Variants in BICDL1 observed in about 807,000 individuals in gnomAD.
BICDL1 encodes the protein BICD family-like cargo adapter 1.
BICDL1 carries 20 observed loss-of-function variants against 76.8 expected under a neutral mutation model. The ratio of observed to expected loss-of-function variants is 0.26; its 90% CI spans 0.18 to 0.38. The LOEUF (loss-of-function observed/expected upper bound fraction) is 0.38, where lower values mean the gene tolerates loss of function less well. Ranked by LOEUF, BICDL1 falls within the 10% of genes least tolerant of loss-of-function variation. The probability of loss-of-function intolerance (pLI) is 1.00; values close to 1 mark genes in which losing one functional copy is unlikely to be tolerated. For synonymous variants in BICDL1, 383 were observed against 337.1 expected, an observed-to-expected ratio of 1.14 and a Z score of -1.49; for missense variants, 700 against 798.6, an observed-to-expected ratio of 0.88 and a Z score of 1.49.
chr12:120,054,986 G>A (rs1332941444), intron 2 of BICDL1, among the ~76,000 whole-genome samples: 1 of 152,058 alleles, frequency 6.6e-6, no homozygotes, highest in Non-Finnish European at 1.5e-5. Context: ...GAAAGATTGG[G>A]GAAAAAATAA....
chr12:120,056,958 T>C (rs1367371016), intron 2 of BICDL1: 2 of 429,524 alleles, frequency 4.7e-6, no homozygotes, highest in Admixed American at 2.7e-5. Flanking sequence ...GAGGGGAGGC[T>C]GGGCCCTGTG....
At chr12:120,043,209 A>G (rs137880721) in intron 2 of BICDL1, among the ~76,000 whole-genome samples, 305 of 152,286 alleles carry the variant, frequency 2.0e-3, no homozygotes, top group African/African-American at 7.0e-3. Context: ...AATGCTAAAT[A>G]ATATTCATCT....
intron 1 of BICDL1, among the ~76,000 whole-genome samples, chr12:119,995,079 C>T (rs1951611892): frequency 6.6e-6 from 1 of 152,078 alleles, no homozygotes; most frequent in Admixed American, 6.6e-5. Flanking sequence ...GTTTCTTAAC[C>T]TTATTTTTGA....
At chr12:120,027,033 T>C (rs988756063) in intron 2 of BICDL1, among the ~76,000 whole-genome samples, 5 of 149,176 alleles carry the variant, frequency 3.4e-5, no homozygotes, top group African/African-American at 1.2e-4. Context: ...ATTTCTTTTT[T>C]TTTTTTTTTT....
At position 120,090,617 on chromosome 12, in the gene BICDL1, G is replaced by A. The variant is rs1384542316; in HGVS notation, c.1704+546G>A. On this transcript the variant is annotated intron_variant, in intron 9 of 9. Transcript: ENST00000548673. ...CACTGGACTGGGCTGTGGCTGGCTGGGTTTTGTTCGTGAGGTTGAGGTAGC... is the reference window on the plus strand; with the variant it reads ...CACTGGACTGGGCTGTGGCTGGCTGAGTTTTGTTCGTGAGGTTGAGGTAGC... The A allele has an allele frequency of 3.1e-5, 11 of 350,898 alleles. No homozygotes were observed. In the East Asian group the frequency reaches 8.2e-4, roughly 26 times the overall value. The allele number at this position is 350,898 out of a possible 1,614,324, so 21.7% of individuals were successfully genotyped here.
chr12:120,075,847 A>G (rs1345942528), intron 7 of BICDL1, among the ~76,000 whole-genome samples: 1 of 152,212 alleles, frequency 6.6e-6, no homozygotes, highest in Non-Finnish European at 1.5e-5. Context: ...GATAACAAGG[A>G]CACAAAGATG....
Position 120,079,731 on chromosome 12 carries a change from A to C in BICDL1, c.1453-1156A>C, listed in dbSNP as rs1873824639. On this transcript the variant is annotated intron_variant, in intron 7 of 9. Coordinates refer to ENST00000548673, the MANE Select transcript of BICDL1 (RefSeq NM_001367886.1). This position sits in a 1 kb window ranked among gnomAD's most constrained non-coding sequence, Gnocchi z 4.3. ...GAATGTATGAGACCTGAAAGCTTAC[A>C]GAATCAACAGGAAAGTGGGAGAACC... Among the ~76,000 whole-genome samples the C allele has an allele frequency of 6.6e-6, 1 of 152,256 alleles. No individual in the cohort carries two copies. Among genetic ancestry groups the C allele is most frequent in the South Asian group, 2.1e-4 (1 of 4,834 alleles).
rs1874831361 is a variant in BICDL1 at position 120,090,056 on chromosome 12, G to A, written c.1689G>A (p.Gln563=). 1.2e-6 allele frequency: 2 copies of A among 1,614,072 alleles called. No individual in the cohort carries two copies. The highest frequency in any genetic ancestry group is 1.7e-6 in the Non-Finnish European group (2 of 1,179,988). ...AIQQKLNLSQ[Q]LEAWQDDMHR... ...AGCAGAAACTGAACCTCTCGCAGCA[G>A]CTGGAAGCTTGGCAGGTAAACTGGA... Residue 563 remains glutamine (Q), a synonymous_variant, in exon 9 of 10, where the codon CAG becomes CAA. Coordinates refer to ENST00000548673, the MANE Select transcript of BICDL1 (RefSeq NM_001367886.1).
chr12:120,058,428 A>G (rs1953028361), intron 2 of BICDL1, among the ~76,000 whole-genome samples: 1 of 152,196 alleles, frequency 6.6e-6, no homozygotes, highest in Non-Finnish European at 1.5e-5. Context: ...TTCATGTCAA[A>G]GTGGTGATGG....
chr12:120,030,102 A>G (rs1952391524), intron 2 of BICDL1, among the ~76,000 whole-genome samples: 1 of 152,162 alleles, frequency 6.6e-6, no homozygotes, highest in South Asian at 2.1e-4. Flanking sequence ...TGATTACCAC[A>G]ACCTAATTAA....
chr12:120,070,054 A>G (rs918599448), intron 4 of BICDL1, among the ~76,000 whole-genome samples: 5 of 152,150 alleles, frequency 3.3e-5, no homozygotes, highest in African/African-American at 1.2e-4. Context: ...TATTCTTATT[A>G]GCATTTGGAT....
rs913687456 is a variant in BICDL1, at chr12:120,094,162, G to A, written c.*1001G>A. The A allele has an allele frequency of 2.2e-6, 1 of 445,976 alleles. No individual in the cohort carries two copies. The highest frequency in any genetic ancestry group is 4.5e-6 in the Non-Finnish European group (1 of 220,442). The allele number at this position is 445,976 out of a possible 1,614,324, so 27.6% of individuals were successfully genotyped here. On this transcript the variant is annotated 3_prime_UTR_variant, in exon 10 of 10. Transcript: ENST00000548673. ...CTGCCTGCAGAAGCCTGCAGTGGCT[G>A]CTGCTCCTGCCTCTGCAGCCGCCCC...
Position 120,093,880 on chromosome 12 carries a change from T to C in BICDL1, c.*719T>C, listed in dbSNP as rs964656658. The C allele has an allele frequency of 2.5e-5, 6 of 243,954 alleles. No homozygotes were observed. Among genetic ancestry groups the C allele is most frequent in the Admixed American group, 1.0e-4 (2 of 20,004 alleles). The allele number at this position is 243,954 out of a possible 1,614,324, so 15.1% of individuals were successfully genotyped here. A position where few individuals can be genotyped will look rare whatever the true frequency, so the allele number is the denominator to read the frequency against. ...CAGGGCCTGGCCAGGCAGAGTGTTA[T>C]CACCAGTCATCTGCAGGCTTTAGCC... On this transcript the variant is annotated 3_prime_UTR_variant, in exon 10 of 10. Transcript: ENST00000548673.
intron 1 of BICDL1, among the ~76,000 whole-genome samples, chr12:119,997,745 T>G (rs886974218): frequency 6.6e-6 from 1 of 152,062 alleles, no homozygotes; most frequent in Non-Finnish European, 1.5e-5. Context: ...TTTTCATCTC[T>G]GAAAAATTCT....
chr12:120,061,596 T>G (rs558273168), intron 2 of BICDL1, 114 bp from the exon 3 acceptor site: 51 of 768,688 alleles, frequency 6.6e-5, no homozygotes, highest in African/African-American at 6.5e-4. Flanking sequence ...TCTCATCTAG[T>G]GCTCCTTAAA....
chr12:120,054,180 C>T (rs978582408), intron 2 of BICDL1, among the ~76,000 whole-genome samples: 2 of 151,594 alleles, frequency 1.3e-5, no homozygotes, highest in African/African-American at 4.9e-5. Context: ...TCAAGCTATT[C>T]TCCTGCCTCA....
chr12:120,031,800 G>T (rs1478169597), intron 2 of BICDL1, among the ~76,000 whole-genome samples: 4 of 152,132 alleles, frequency 2.6e-5, no homozygotes, highest in African/African-American at 9.7e-5. Flanking sequence ...AGTCTCAAAA[G>T]AAAATTCCTG....
intron 2 of BICDL1, among the ~76,000 whole-genome samples, chr12:120,002,117 G>A (rs1362656840): frequency 3.3e-5 from 5 of 152,096 alleles, no homozygotes; most frequent in Admixed American, 2.6e-4. Flanking sequence ...TCTAATTAGA[G>A]AACATGTCAC....
intron 2 of BICDL1, among the ~76,000 whole-genome samples, chr12:120,038,817 C>G (rs1443642603): frequency 6.6e-6 from 1 of 152,052 alleles, no homozygotes. Flanking sequence ...TTAATAATAC[C>G]TGTCTAACAG....
Sources: gnomAD v4.1 joint callset for allele counts (sites outside exome capture counted in the v4.1 genomes callset) on GRCh38, gnomAD v4.1.1 for gene constraint, Gnocchi (gnomAD v3.1) non-coding constraint, MANE v1.5 for transcripts, NCBI Gene and HGNC (gene_info 2026-07-23, HGNC 2026-07-21) for gene names.